The following GNA14 variants were observed in gnomAD, a reference collection of about 807,000 sequenced individuals.
GNA14 encodes the protein guanine nucleotide-binding protein subunit alpha-14.
A neutral mutation model predicts 42.0 loss-of-function variants in GNA14; 50 were observed. That is an observed-to-expected ratio of 1.19 (90% CI 0.95 to 1.51). GNA14 has a LOEUF of 1.51. Among genes scored for constraint, GNA14 ranks in the 40% most tolerant of loss-of-function variants. The pLI is 0.00. For missense variants in GNA14, 473 were observed against 446.2 expected (o/e 1.06, Z -0.54); for synonymous variants, 173 against 163.1 (o/e 1.06, Z -0.46).
At chr9:77,546,215 C>CAAAAAAA (rs764378681) in intron 1 of GNA14, among the ~76,000 whole-genome samples, 2 of 42,912 alleles carry the variant, frequency 4.7e-5, no homozygotes, top group Non-Finnish European at 1.1e-4. Flanking sequence ...AGCTCCATCT[C>CAAAAAAA]AAAAAAAAAA....
chr9:77,626,489 A>G (rs1824015095), intron 1 of GNA14, among the ~76,000 whole-genome samples: 2 of 152,208 alleles, frequency 1.3e-5, no homozygotes, highest in Non-Finnish European at 2.9e-5. Context: ...CATTGGAAGT[A>G]AAACACCTCC....
chr9:77,601,081 T>C (rs1823554920), intron 1 of GNA14, among the ~76,000 whole-genome samples: 1 of 152,238 alleles, frequency 6.6e-6, no homozygotes, highest in African/African-American at 2.4e-5. Flanking sequence ...GGGAGGAGCG[T>C]GGGCTCTTCA....
At chr9:77,615,718 CA>C (rs2117956607) in intron 1 of GNA14, among the ~76,000 whole-genome samples, 1 of 130,706 alleles carries the variant, frequency 7.7e-6, no homozygotes, top group South Asian at 2.3e-4. Flanking sequence ...CACACACACA[CA>C]CACACACACA....
chr9:77,546,568 T>C (rs1242427536), intron 1 of GNA14, among the ~76,000 whole-genome samples: 1 of 152,200 alleles, frequency 6.6e-6, no homozygotes, highest in Non-Finnish European at 1.5e-5. Context: ...GGCTTGAGTT[T>C]ACACTCCTGT....
chr9:77,560,440 C>A (rs1587830267), intron 1 of GNA14, among the ~76,000 whole-genome samples: 1 of 152,030 alleles, frequency 6.6e-6, no homozygotes, highest in East Asian at 1.9e-4. Flanking sequence ...AGGTGCACGA[C>A]ACAGGTGCCT....
intron 2 of GNA14, among the ~76,000 whole-genome samples, chr9:77,527,493 C>G (rs1452271482): frequency 6.6e-6 from 1 of 152,120 alleles, no homozygotes; most frequent in Non-Finnish European, 1.5e-5. Flanking sequence ...AGATTTTTTG[C>G]AATTTTTTTT....
At chr9:77,614,205 G>A (rs1205733342) in intron 1 of GNA14, among the ~76,000 whole-genome samples, 1 of 152,056 alleles carries the variant, frequency 6.6e-6, no homozygotes, top group Non-Finnish European at 1.5e-5. Flanking sequence ...CTAACCAAAG[G>A]CCTCAAAGAT....
rs370899063 is a variant in GNA14 at position 77,647,731 on chromosome 9, G to C, written c.63C>G (p.Ile21Met). ...EKESQRISAE[I>M]ERQLRRDKKD... Reference sequence around the variant, plus strand: ...TCTTGTCCCGACGAAGCTGTCGCTCGATCTCCGCGCTGATGCGCTGCGACT... The same window carrying C: ...TCTTGTCCCGACGAAGCTGTCGCTCCATCTCCGCGCTGATGCGCTGCGACT... Residue 21 changes from isoleucine to methionine, a missense_variant, in exon 1 of 7, where the codon ATC becomes ATG. Ile to Met is a conservative substitution (Grantham distance 10, BLOSUM62 1). Transcript: ENST00000341700. 7 of 1,609,788 alleles carry C rather than the reference G, an allele frequency of 4.3e-6. No homozygotes were observed. The highest frequency in any genetic ancestry group is 5.9e-6 in the Non-Finnish European group (7 of 1,178,492).
chr9:77,515,131 T>C (rs1382623174), intron 2 of GNA14, among the ~76,000 whole-genome samples: 1 of 144,886 alleles, frequency 6.9e-6, no homozygotes, highest in African/African-American at 2.5e-5. Context: ...CTGCATGGGC[T>C]CATAAAAAAA....
intron 2 of GNA14, among the ~76,000 whole-genome samples, chr9:77,513,265 C>T (rs1837198241): frequency 6.6e-6 from 1 of 152,190 alleles, no homozygotes; most frequent in African/African-American, 2.4e-5. Flanking sequence ...AAGAAGCATA[C>T]AGAACAATAG....
At chr9:77,626,696 C>A (rs1824017340) in intron 1 of GNA14, among the ~76,000 whole-genome samples, 1 of 151,490 alleles carries the variant, frequency 6.6e-6, no homozygotes, top group African/African-American at 2.4e-5. Flanking sequence ...GCAATGAGTA[C>A]ACACAATGTA....
rs890832889 is a variant in GNA14 at position 77,518,150 on chromosome 9, G to A, written c.309+10919C>T. ...TGTAATATCACCAGGAGCCAACATA[G>A]CCCTCAATGGAGGAAGGGAATAAAA... On this transcript the variant is annotated intron_variant, in intron 2 of 6. Coordinates refer to ENST00000341700, the MANE Select transcript of GNA14 (RefSeq NM_004297.4). 4 of 152,184 alleles carry A rather than the reference G, an allele frequency of 2.6e-5. No individual in the cohort carries two copies. The East Asian group carries it at 7.7e-4, about 29-fold the overall frequency. The allele number at this position is 152,184 out of a possible 1,614,324, so 9.4% of individuals were successfully genotyped here.
At position 77,529,232 on chromosome 9, in the gene GNA14, C is replaced by T. The variant is rs368071625; in HGVS notation, c.146G>A (p.Ser49Asn). The change falls in exon 2 of 7, where the codon AGC becomes AAC. Residue 49 changes from serine to asparagine, a missense_variant. Physicochemically the swap from Ser to Asn is conservative, Grantham distance 46. Coordinates refer to ENST00000341700, the MANE Select transcript of GNA14 (RefSeq NM_004297.4). ...AATTCTCATCTGCTTGATAAAGGTGCTTTTCCCACTTTCACCAGTTCCTAT... is the reference window on the plus strand; with the variant it reads ...AATTCTCATCTGCTTGATAAAGGTGTTTTTCCCACTTTCACCAGTTCCTAT... The part of the protein sequence containing the change: ...LLLGTGESGK[S>N]TFIKQMRIIH... 10 of 1,613,908 alleles carry T rather than the reference C, an allele frequency of 6.2e-6. No homozygotes were observed. Among genetic ancestry groups the T allele is most frequent in the Middle Eastern group, 1.6e-4 (1 of 6,084 alleles).
intron 1 of GNA14, among the ~76,000 whole-genome samples, chr9:77,533,407 T>G (rs1305702010): frequency 6.6e-6 from 1 of 152,186 alleles, no homozygotes; most frequent in African/African-American, 2.4e-5. Flanking sequence ...CTCAAACTTC[T>G]GAGCTCAGGC....
chr9:77,605,056 G>A (rs566634572), intron 1 of GNA14, among the ~76,000 whole-genome samples: 9 of 152,282 alleles, frequency 5.9e-5, no homozygotes, highest in South Asian at 4.1e-4. Flanking sequence ...CTAGACACTC[G>A]GTTTAAATGT....
At chr9:77,627,434 A>G (rs1279371538) in intron 1 of GNA14, among the ~76,000 whole-genome samples, 1 of 152,164 alleles carries the variant, frequency 6.6e-6, no homozygotes, top group East Asian at 1.9e-4. Flanking sequence ...CAACAAAAAA[A>G]GAAAATTTCA....
chr9:77,634,417 G>GAAAA, intron 1 of GNA14, among the ~76,000 whole-genome samples: 1 of 84,710 alleles, frequency 1.2e-5, no homozygotes, highest in Non-Finnish European at 2.5e-5. Flanking sequence ...GTCTCAAAAA[G>GAAAA]AAAAAAAAAA....
intron 1 of GNA14, among the ~76,000 whole-genome samples, chr9:77,643,263 G>C (rs1302652678): frequency 6.9e-6 from 1 of 144,452 alleles, no homozygotes; most frequent in African/African-American, 2.6e-5. Context: ...TTTTGAGACA[G>C]AGTTTCACTC....
chr9:77,431,312 C>G lies in GNA14; in HGVS notation c.593+9G>C. The G allele has an allele frequency of 6.2e-7, 1 of 1,612,682 alleles. No individual in the cohort carries two copies. Reference sequence around the variant, plus strand: ...GATTCTTCATGGTACATCAGGGAGACAGACTTACCGAAAGATGATGTTTTC... The same window carrying G: ...GATTCTTCATGGTACATCAGGGAGAGAGACTTACCGAAAGATGATGTTTTC... On this transcript the variant is annotated intron_variant, in intron 4 of 6. Transcript: ENST00000341700.
Sources: allele counts gnomAD v4.1 joint callset (sites outside exome capture counted in the v4.1 genomes callset), GRCh38; gene constraint gnomAD v4.1.1; transcripts MANE v1.5; gene names NCBI Gene and HGNC (gene_info 2026-07-23, HGNC 2026-07-21).